Variants in TMC1 observed in about 807,000 individuals in gnomAD.
The protein encoded by TMC1 is transmembrane channel-like protein 1.
A neutral mutation model predicts 105.8 loss-of-function variants in TMC1; 84 were observed. The ratio of observed to expected loss-of-function variants is 0.79; its 90% CI spans 0.67 to 0.95. The LOEUF (loss-of-function observed/expected upper bound fraction) is 0.95. TMC1 is among the 40% of genes least tolerant of loss of function. The pLI is 0.00. For synonymous variants in TMC1, 315 were observed against 311.5 expected (o/e 1.01, Z -0.12); for missense variants, 817 against 914.1 (o/e 0.89, Z 1.37).
chr9:72,805,199 T>G (rs1828550787), intron 17 of TMC1, 183 bp from the exon 18 acceptor site: 1 of 492,716 alleles, frequency 2.0e-6, no homozygotes, highest in African/African-American at 2.0e-5. Flanking sequence ...TAATTATTTT[T>G]TAAGTAATAA....
At chr9:72,548,751 C>T (rs1413877581) in intron 1 of TMC1, among the ~76,000 whole-genome samples, 4 of 152,006 alleles carry the variant, frequency 2.6e-5, no homozygotes, top group Admixed American at 6.6e-5. Flanking sequence ...TTTGAGAGGG[C>T]GAGGCAGGAG....
rs185220613 is a variant in TMC1 at position 72,567,553 on chromosome 9, G to A, written c.-427-10349G>A. On this transcript the variant is annotated intron_variant, in intron 1 of 23. Coordinates refer to ENST00000297784, the MANE Select transcript of TMC1 (RefSeq NM_138691.3). The stretch of plus-strand genomic sequence containing the variant: ...AGAGGCACCTCTTCACGGGGTGGCG[G>A]GAGAGAGAATAAGTGCAAGTAGGAG... Among the ~76,000 whole-genome samples the A allele has an allele frequency of 1.6e-3, 249 of 152,268 alleles. 1 individual carries two copies. Among genetic ancestry groups the A allele is most frequent in the African/African-American group, 5.8e-3 (241 of 41,562 alleles).
chr9:72,696,292 T>A (rs945657736), intron 7 of TMC1, among the ~76,000 whole-genome samples: 2 of 152,132 alleles, frequency 1.3e-5, no homozygotes, highest in Non-Finnish European at 2.9e-5. Flanking sequence ...CATTTTGATC[T>A]TGAGAATCAA....
intron 5 of TMC1, among the ~76,000 whole-genome samples, chr9:72,655,335 A>G (rs1421142787): frequency 6.6e-6 from 1 of 152,214 alleles, no homozygotes; most frequent in Non-Finnish European, 1.5e-5. Flanking sequence ...ATGAGAATGG[A>G]CTAACACGGT....
chr9:72,647,507 G>T (rs1825734512), intron 4 of TMC1, among the ~76,000 whole-genome samples: 1 of 152,126 alleles, frequency 6.6e-6, no homozygotes, highest in African/African-American at 2.4e-5. Flanking sequence ...AAGTCCTTAA[G>T]TTAATTAAGT....
chr9:72,820,901 C>A lies in TMC1; in HGVS notation c.1823C>A (p.Ser608Tyr). ...PGINILRLHT[S>Y]MYFQCWAVMC... ...ATCAATATCCTTCGACTCCATACATCCATGTACTTCCAGTGCTGGGCCGTT... is the reference window on the plus strand; with the variant it reads ...ATCAATATCCTTCGACTCCATACATACATGTACTTCCAGTGCTGGGCCGTT... Residue 608 changes from serine (S) to tyrosine (Y), a missense_variant, in exon 20 of 24, where the codon TCC becomes TAC. Ser to Tyr is a moderately radical substitution (Grantham distance 144). Coordinates refer to ENST00000297784, the MANE Select transcript of TMC1 (RefSeq NM_138691.3). The A allele has an allele frequency of 6.2e-7, 1 of 1,614,180 alleles. No homozygotes were observed. Among genetic ancestry groups the A allele is most frequent in the Non-Finnish European group, 8.5e-7 (1 of 1,180,016 alleles).
At chr9:72,788,838 T>C (rs925290786) in intron 14 of TMC1, among the ~76,000 whole-genome samples, 1 of 152,152 alleles carries the variant, frequency 6.6e-6, no homozygotes, top group African/African-American at 2.4e-5. Context: ...AAACATTATT[T>C]TGTAGTTTTT....
intron 4 of TMC1, among the ~76,000 whole-genome samples, chr9:72,637,247 A>T (rs1212802083): frequency 6.6e-6 from 1 of 151,502 alleles, no homozygotes; most frequent in Non-Finnish European, 1.5e-5. Flanking sequence ...TGTTTTCAAG[A>T]GCTTATGTTA....
chr9:72,574,177 G>A (rs1824335962), intron 1 of TMC1, among the ~76,000 whole-genome samples: 1 of 152,180 alleles, frequency 6.6e-6, no homozygotes, highest in Non-Finnish European at 1.5e-5. Context: ...CATGCTCCAT[G>A]CTCCATATGG....
At chr9:72,812,238 G>T (rs1363787446) in intron 18 of TMC1, among the ~76,000 whole-genome samples, 1 of 152,134 alleles carries the variant, frequency 6.6e-6, no homozygotes, top group African/African-American at 2.4e-5. Context: ...AAATGAACTG[G>T]GATACAGAAT....
At chr9:72,571,791 G>A (rs995479236) in intron 1 of TMC1, among the ~76,000 whole-genome samples, 1 of 151,642 alleles carries the variant, frequency 6.6e-6, no homozygotes, top group Non-Finnish European at 1.5e-5. Context: ...GCTTTCTTTA[G>A]AAGCAACAAT....
At chr9:72,531,639 T>A (rs989559914) in intron 1 of TMC1, among the ~76,000 whole-genome samples, 2 of 152,228 alleles carry the variant, frequency 1.3e-5, no homozygotes. Context: ...GCCCTGTAGT[T>A]CATAAGAGGA....
chr9:72,654,723 T>C (rs910815424), intron 5 of TMC1, among the ~76,000 whole-genome samples: 4 of 152,094 alleles, frequency 2.6e-5, no homozygotes, highest in African/African-American at 9.7e-5. Context: ...ATTAAATTCT[T>C]TAAAAGAGAT....
chr9:72,635,585 A>G (rs935218798), intron 4 of TMC1, among the ~76,000 whole-genome samples: 1 of 152,190 alleles, frequency 6.6e-6, no homozygotes, highest in Non-Finnish European at 1.5e-5. Context: ...ACTATCTCAC[A>G]TTATTATTAT....
At chr9:72,595,248 C>A (rs1188451681) in intron 2 of TMC1, among the ~76,000 whole-genome samples, 1 of 152,172 alleles carries the variant, frequency 6.6e-6, no homozygotes, top group African/African-American at 2.4e-5. Context: ...TGGTCAGTTA[C>A]TTCCCTGTAT....
chr9:72,565,543 GAATT>G (rs1444018506), intron 1 of TMC1, among the ~76,000 whole-genome samples: 1 of 152,166 alleles, frequency 6.6e-6, no homozygotes, highest in Non-Finnish European at 1.5e-5. Context: ...ATATATTTGA[GAATT>G]AATAATTGTC....
At chr9:72,770,052 T>C (rs569397764) in intron 12 of TMC1, among the ~76,000 whole-genome samples, 1 of 152,230 alleles carries the variant, frequency 6.6e-6, no homozygotes, top group Non-Finnish European at 1.5e-5. Flanking sequence ...GTCATGCACC[T>C]GGGAGCTGGG....
intron 5 of TMC1, among the ~76,000 whole-genome samples, chr9:72,652,317 T>C (rs1825826378): frequency 6.6e-6 from 1 of 152,172 alleles, no homozygotes; most frequent in Non-Finnish European, 1.5e-5. Flanking sequence ...GAAAGGTGGA[T>C]GTTGGTGATA....
Position 72,792,066 on chromosome 9 carries a change from G to T in TMC1, c.1404+1G>T. Reference sequence around the variant, plus strand: ...ATTAATGGATGAGATTAACAACAAGGTAAGCCTTGTTTCTGGATTGTCCTT... The same window carrying T: ...ATTAATGGATGAGATTAACAACAAGTTAAGCCTTGTTTCTGGATTGTCCTT... On this transcript the variant is annotated splice_donor_variant, in intron 16 of 23. Coordinates refer to ENST00000297784, the MANE Select transcript of TMC1 (RefSeq NM_138691.3). LOFTEE classifies it high-confidence loss of function. 1 of 1,614,040 alleles carries T rather than the reference G, an allele frequency of 6.2e-7. No homozygotes were observed. Among genetic ancestry groups the T allele is most frequent in the Non-Finnish European group, 8.5e-7 (1 of 1,179,992 alleles).
Sources: gnomAD v4.1 joint callset for allele counts (sites outside exome capture counted in the v4.1 genomes callset) on GRCh38, gnomAD v4.1.1 for gene constraint, MANE v1.5 for transcripts, NCBI Gene and HGNC (gene_info 2026-07-23, HGNC 2026-07-21) for gene names.